The following CADM1 variants were observed in gnomAD, a reference collection of about 807,000 sequenced individuals.
The protein encoded by CADM1 is cell adhesion molecule 1.
A neutral mutation model predicts 53.1 loss-of-function variants in CADM1; 15 were observed. The observed-to-expected ratio is 0.28, with a 90% CI of 0.19 to 0.44. CADM1 has a LOEUF of 0.44. CADM1 is among the 20% of genes least tolerant of loss of function. CADM1 has a pLI of 1.00. For synonymous variants in CADM1, 281 were observed against 243.0 expected, an observed-to-expected ratio of 1.16 and a Z score of -1.45; for missense variants, 434 against 611.3, an observed-to-expected ratio of 0.71 and a Z score of 3.06.
intron 1 of CADM1, among the ~76,000 whole-genome samples, chr11:115,255,879 T>G (rs1942768838): frequency 6.6e-6 from 1 of 151,984 alleles, no homozygotes; most frequent in Non-Finnish European, 1.5e-5. Context: ...AAATGAAAAA[T>G]CCTCTCCCAA....
chr11:115,498,246 T>C (rs1261808468), intron 1 of CADM1, among the ~76,000 whole-genome samples: 1 of 152,226 alleles, frequency 6.6e-6, no homozygotes, highest in Non-Finnish European at 1.5e-5. Context: ...GAAGGCATTT[T>C]GTGATCACTT....
intron 1 of CADM1, chr11:115,445,731 C>A (rs1295099427): frequency 2.2e-6 from 1 of 448,228 alleles, no homozygotes; most frequent in Admixed American, 2.4e-5. Flanking sequence ...GTAGTCCCAG[C>A]TACTTGAGAG....
chr11:115,386,618 T>A (rs1365299354), intron 1 of CADM1, among the ~76,000 whole-genome samples: 1 of 148,648 alleles, frequency 6.7e-6, no homozygotes, highest in East Asian at 2.0e-4. Flanking sequence ...CCGCTTCTTA[T>A]AAAGCCACCA....
intron 9 of CADM1, among the ~76,000 whole-genome samples, chr11:115,193,352 A>G (rs1015930223): frequency 2.0e-5 from 3 of 152,232 alleles, no homozygotes; most frequent in African/African-American, 7.2e-5. Context: ...ATGAAAGTTT[A>G]CTTTTTGTCC....
At chr11:115,449,847 T>G (rs961700101) in intron 1 of CADM1, among the ~76,000 whole-genome samples, 2 of 152,216 alleles carry the variant, frequency 1.3e-5, no homozygotes, top group Non-Finnish European at 2.9e-5. Context: ...GACATACACA[T>G]GTGCACACAC....
Position 115,482,690 on chromosome 11 carries a change from G to A in CADM1, c.124+21581C>T, listed in dbSNP as rs187438159. On this transcript the variant is annotated intron_variant, in intron 1 of 11. Coordinates refer to ENST00000331581, the MANE Select transcript of CADM1 (RefSeq NM_001301043.2). ...TGTTTGCTGTGCACTAGACATCATGGAGTCCCCTAAAGAGTTAGCTCCTTT... is the reference window on the plus strand; with the variant it reads ...TGTTTGCTGTGCACTAGACATCATGAAGTCCCCTAAAGAGTTAGCTCCTTT... Among the ~76,000 whole-genome samples, 310 of 152,250 alleles carry A rather than the reference G, an allele frequency of 2.0e-3. 2 individuals carry two copies. The highest frequency in any genetic ancestry group is 3.2e-3 in the Non-Finnish European group (216 of 67,994).
intron 1 of CADM1, chr11:115,240,886 C>T (rs964393264): frequency 1.6e-5 from 3 of 193,354 alleles, no homozygotes; most frequent in Non-Finnish European, 3.2e-5. Flanking sequence ...TAAATAATCT[C>T]GTCTTGTTAG....
chr11:115,452,809 A>G (rs1440646281), intron 1 of CADM1, among the ~76,000 whole-genome samples: 1 of 152,292 alleles, frequency 6.6e-6, no homozygotes, highest in Non-Finnish European at 1.5e-5. Flanking sequence ...CAAAGTTTAC[A>G]TTGGTGAGAA....
At chr11:115,345,807 C>T (rs1479213754) in intron 1 of CADM1, among the ~76,000 whole-genome samples, 1 of 152,194 alleles carries the variant, frequency 6.6e-6, no homozygotes, top group Non-Finnish European at 1.5e-5. Context: ...TCCAAGGACC[C>T]TCTTGCTCTA....
In CADM1 at chr11:115,428,274, A is replaced by T. The variant is rs947394468; in HGVS notation, c.124+75997T>A. On this transcript the variant is annotated intron_variant, in intron 1 of 11. Coordinates refer to ENST00000331581, the MANE Select transcript of CADM1 (RefSeq NM_001301043.2). ...CTAGATATTTATGGGTTCCTTTAGA[A>T]AAAAGTCAACTTTACCAATGTAACT... is the stretch of plus-strand genomic sequence containing the variant. Among the ~76,000 whole-genome samples, 11 of 152,196 alleles carry T rather than the reference A, an allele frequency of 7.2e-5. No homozygotes were observed. The East Asian group carries it at 7.7e-4, about 11-fold the overall frequency.
At chr11:115,432,066 C>G (rs1948068268) in intron 1 of CADM1, among the ~76,000 whole-genome samples, 2 of 152,058 alleles carry the variant, frequency 1.3e-5, no homozygotes, top group Admixed American at 1.3e-4. Context: ...CCCACCTCAG[C>G]CTCCCTAGTA....
intron 1 of CADM1, among the ~76,000 whole-genome samples, chr11:115,247,936 G>A (rs1217985584): frequency 6.6e-6 from 1 of 152,144 alleles, no homozygotes; most frequent in Non-Finnish European, 1.5e-5. Flanking sequence ...TGTAAATTAG[G>A]AAAAAAGTTA....
intron 1 of CADM1, among the ~76,000 whole-genome samples, chr11:115,320,851 A>G (rs1431764510): frequency 6.6e-6 from 1 of 152,174 alleles, no homozygotes; most frequent in Non-Finnish European, 1.5e-5. Context: ...TTTTCCAAAG[A>G]GAATTTATAT....
chr11:115,177,402 C>G (rs1939086969), intron 11 of CADM1, among the ~76,000 whole-genome samples: 1 of 152,184 alleles, frequency 6.6e-6, no homozygotes, highest in South Asian at 2.1e-4. Flanking sequence ...CCTCAGTATG[C>G]TATATAGGTA....
chr11:115,227,373 G>A (rs1413368224), intron 5 of CADM1, among the ~76,000 whole-genome samples: 1 of 151,964 alleles, frequency 6.6e-6, no homozygotes, highest in African/African-American at 2.4e-5. Context: ...TGGGAGTGAG[G>A]GTAATTTGGT....
chr11:115,192,457 G>A (rs781576759), intron 9 of CADM1, among the ~76,000 whole-genome samples: 6 of 152,136 alleles, frequency 3.9e-5, no homozygotes, highest in Non-Finnish European at 8.8e-5. Flanking sequence ...AAATCTGATT[G>A]GTTGACAATA....
intron 1 of CADM1, among the ~76,000 whole-genome samples, chr11:115,416,155 T>A (rs541736904): frequency 6.6e-6 from 1 of 152,336 alleles, no homozygotes; most frequent in African/African-American, 2.4e-5. Flanking sequence ...AAACCATTAA[T>A]ATACAACTCC....
At chr11:115,410,671 GAAGGA>G (rs1185335658) in intron 1 of CADM1, among the ~76,000 whole-genome samples, 11 of 152,152 alleles carry the variant, frequency 7.2e-5, no homozygotes, top group Non-Finnish European at 1.6e-4. Context: ...ATTTAGCTAA[GAAGGA>G]AAGTAACCAA....
rs558065365 is a variant in CADM1 at position 115,236,951 on chromosome 11, G to A, written c.424+1549C>T. 1.2e-4 allele frequency among the ~76,000 whole-genome samples: 19 copies of A among 152,062 alleles called. 1 individual carries two copies. Among genetic ancestry groups the A allele is most frequent in the South Asian group, 4.2e-4 (2 of 4,806 alleles). ...TTCTGTGAAAACAACATATAAATACGTAAAGGTATATGTAGTAAAATACTC... is the reference window on the plus strand; with the variant it reads ...TTCTGTGAAAACAACATATAAATACATAAAGGTATATGTAGTAAAATACTC... On this transcript the variant is annotated intron_variant, in intron 3 of 11. Transcript: ENST00000331581.
Sources: allele counts gnomAD v4.1 joint callset (sites outside exome capture counted in the v4.1 genomes callset), GRCh38; gene constraint gnomAD v4.1.1; transcripts MANE v1.5; gene names NCBI Gene and HGNC (gene_info 2026-07-23, HGNC 2026-07-21).